The following INPP4B variants were observed in gnomAD, a reference collection of about 807,000 sequenced individuals.
INPP4B encodes inositol polyphosphate 4-phosphatase type II.
INPP4B carries 55 observed loss-of-function variants against 122.5 expected under a neutral mutation model. The observed-to-expected ratio is 0.45, with a 90% CI of 0.36 to 0.56. INPP4B has a LOEUF of 0.56. Ranked by LOEUF, INPP4B falls within the 20% of genes least tolerant of loss-of-function variation. INPP4B has a pLI of 0.00. For missense variants in INPP4B, 1,000 were observed against 1,097.7 expected, an observed-to-expected ratio of 0.91 and a Z score of 1.26; for synonymous variants, 403 against 388.7, an observed-to-expected ratio of 1.04 and a Z score of -0.43.
chr4:142,570,953 T>G (rs1732667090), intron 2 of INPP4B, among the ~76,000 whole-genome samples: 1 of 151,960 alleles, frequency 6.6e-6, no homozygotes, highest in Non-Finnish European at 1.5e-5. Flanking sequence ...CATCTTATAA[T>G]TGCCTTGCTG....
intron 25 of INPP4B, among the ~76,000 whole-genome samples, chr4:142,033,403 T>G (rs879538979): frequency 6.6e-6 from 1 of 151,892 alleles, no homozygotes; most frequent in Non-Finnish European, 1.5e-5. Flanking sequence ...TTGGAAGGAG[T>G]TGCTGTAGTG....
chr4:142,579,441 G>C (rs1161112276), intron 2 of INPP4B, among the ~76,000 whole-genome samples: 4 of 152,010 alleles, frequency 2.6e-5, no homozygotes, highest in Non-Finnish European at 5.9e-5. Context: ...AAGCCATGGA[G>C]TGCCCAGATA....
At chr4:142,193,602 TA>T (rs1836919930) in intron 14 of INPP4B, among the ~76,000 whole-genome samples, 2 of 152,052 alleles carry the variant, frequency 1.3e-5, no homozygotes, top group African/African-American at 2.4e-5. Context: ...AAATTTTACA[TA>T]GAAAAAAAAC....
intron 7 of INPP4B, among the ~76,000 whole-genome samples, chr4:142,347,830 T>A (rs1377997005): frequency 2.6e-5 from 4 of 152,002 alleles, no homozygotes; most frequent in South Asian, 4.2e-4. Flanking sequence ...GGGAGACAAA[T>A]TCTCATAAAA....
chr4:142,460,027 T>A (rs1816378967), intron 3 of INPP4B, among the ~76,000 whole-genome samples: 1 of 152,202 alleles, frequency 6.6e-6, no homozygotes, highest in Non-Finnish European at 1.5e-5. Flanking sequence ...AGATATATGT[T>A]CTCAAAGTTA....
chr4:142,552,813 G>A (rs941047171), intron 2 of INPP4B, among the ~76,000 whole-genome samples: 3 of 152,148 alleles, frequency 2.0e-5, no homozygotes, highest in Non-Finnish European at 4.4e-5. Context: ...AAAACTCAGA[G>A]AGGGCAAGTT....
chr4:142,258,450 C>A (rs536888318), intron 11 of INPP4B, among the ~76,000 whole-genome samples: 1 of 152,140 alleles, frequency 6.6e-6, no homozygotes, highest in Non-Finnish European at 1.5e-5. Context: ...TCGCAACCTA[C>A]TCATCTGACA....
At chr4:142,576,104 C>T (rs888888202) in intron 2 of INPP4B, among the ~76,000 whole-genome samples, 1 of 152,002 alleles carries the variant, frequency 6.6e-6, no homozygotes, top group African/African-American at 2.4e-5. Flanking sequence ...TCAATATCTA[C>T]CTGGGGCTGA....
chr4:142,769,552 T>C (rs1772708013), intron 1 of INPP4B, among the ~76,000 whole-genome samples: 2 of 152,320 alleles, frequency 1.3e-5, no homozygotes, highest in South Asian at 2.1e-4. Flanking sequence ...TAACGTTATG[T>C]CTGAAATTCC....
At chr4:142,718,928 C>T (rs1424004584) in intron 2 of INPP4B, among the ~76,000 whole-genome samples, 2 of 152,130 alleles carry the variant, frequency 1.3e-5, no homozygotes, top group African/African-American at 4.8e-5. Flanking sequence ...AGCCTATGAA[C>T]TAGCTCAGTT....
intron 11 of INPP4B, among the ~76,000 whole-genome samples, chr4:142,243,800 G>A (rs534987628): frequency 1.2e-4 from 18 of 152,172 alleles, no homozygotes; most frequent in African/African-American, 4.3e-4. Context: ...GTTTGGATGG[G>A]GGTGGTAATG....
At chr4:142,537,421 TATATATATAGAGAGAGAGAG>T (rs1414526453) in intron 2 of INPP4B, among the ~76,000 whole-genome samples, 3 of 52,850 alleles carry the variant, frequency 5.7e-5, no homozygotes, top group African/African-American at 1.9e-4. Flanking sequence ...TATATATATA[TATATATATAGAGAGAGAGAG>T]AGAGAGAGAG....
intron 22 of INPP4B, 129 bp from the exon 23 acceptor site, chr4:142,108,319 C>T: frequency 1.5e-6 from 1 of 655,542 alleles, no homozygotes; most frequent in Non-Finnish European, 2.7e-6. Flanking sequence ...ATTTTTCAAG[C>T]TACAATTCAC....
intron 25 of INPP4B, among the ~76,000 whole-genome samples, chr4:142,041,429 C>T (rs570215615): frequency 6.6e-6 from 1 of 152,106 alleles, no homozygotes; most frequent in South Asian, 2.1e-4. Flanking sequence ...ACCAGCCTGA[C>T]CAACCTGGTG....
intron 1 of INPP4B, among the ~76,000 whole-genome samples, chr4:142,769,293 C>T (rs1042707814): frequency 9.2e-5 from 14 of 152,092 alleles, no homozygotes; most frequent in Admixed American, 3.3e-4. Context: ...CTACTTGTGT[C>T]CATTGTGAAC....
chr4:142,299,757 T>C (rs1269217646), intron 9 of INPP4B, among the ~76,000 whole-genome samples: 1 of 152,104 alleles, frequency 6.6e-6, no homozygotes, highest in Admixed American at 6.6e-5. Flanking sequence ...AAACTCTTAC[T>C]GTTGTGGAGA....
intron 2 of INPP4B, among the ~76,000 whole-genome samples, chr4:142,549,466 T>G (rs893199404): frequency 1.3e-5 from 2 of 152,010 alleles, no homozygotes; most frequent in African/African-American, 2.4e-5. Flanking sequence ...GAGTTGAAGG[T>G]ACAGAGCCAA....
intron 1 of INPP4B, among the ~76,000 whole-genome samples, chr4:142,772,218 A>C (rs1182492330): frequency 6.6e-6 from 1 of 152,170 alleles, no homozygotes. Context: ...TTCAATTCAC[A>C]CTTATGAGGT....
At chr4:142,197,854 C>A (rs1240516264) in intron 14 of INPP4B, among the ~76,000 whole-genome samples, 1 of 152,080 alleles carries the variant, frequency 6.6e-6, no homozygotes, top group East Asian at 1.9e-4. Context: ...AATAATGTGT[C>A]TAGTCTTATG....
Sources: allele counts gnomAD v4.1 joint callset (sites outside exome capture counted in the v4.1 genomes callset), GRCh38; gene constraint gnomAD v4.1.1; transcripts MANE v1.5; gene names NCBI Gene and HGNC (gene_info 2026-07-23, HGNC 2026-07-21).